SUMF1: variants seen among roughly 807,000 people sequenced by gnomAD.
SUMF1 encodes the protein formylglycine-generating enzyme.
SUMF1 carries 48 observed loss-of-function variants against 47.6 expected under a neutral mutation model. That is an observed-to-expected ratio of 1.01 (90% CI 0.80 to 1.28). The LOEUF (loss-of-function observed/expected upper bound fraction) is 1.28. Among genes scored for constraint, SUMF1 ranks in the 50% most tolerant of loss-of-function variants. The probability of loss-of-function intolerance (pLI) is 0.00; values close to 1 mark genes in which losing one functional copy is unlikely to be tolerated. For synonymous variants in SUMF1, 230 were observed against 192.1 expected (o/e 1.20, Z -1.63); for missense variants, 571 against 485.4 (o/e 1.18, Z -1.66).
intron 8 of SUMF1, among the ~76,000 whole-genome samples, chr3:4,178,024 G>T (rs1363788020): frequency 1.2e-4 from 19 of 152,068 alleles, no homozygotes. Context: ...ACCAATAACA[G>T]GCTCTGAAAT....
chr3:4,138,020 T>A (rs753291995), intron 8 of SUMF1, among the ~76,000 whole-genome samples: 1 of 151,830 alleles, frequency 6.6e-6, no homozygotes, highest in Non-Finnish European at 1.5e-5. Flanking sequence ...ACAGTAGAAA[T>A]GAACAATCCC....
At chr3:4,157,458 T>C (rs1345044587) in intron 8 of SUMF1, among the ~76,000 whole-genome samples, 2 of 151,592 alleles carry the variant, frequency 1.3e-5, no homozygotes, top group Admixed American at 6.6e-5. Context: ...AGAAAGTGAT[T>C]TACTTCTTTC....
At chr3:4,155,602 C>A (rs1203675555) in intron 8 of SUMF1, among the ~76,000 whole-genome samples, 2 of 151,406 alleles carry the variant, frequency 1.3e-5, no homozygotes, top group Non-Finnish European at 2.9e-5. Context: ...ATTTTCTCTT[C>A]AGATCAGTTC....
At chr3:4,084,372 C>A (rs1692629587) in intron 8 of SUMF1, among the ~76,000 whole-genome samples, 1 of 152,138 alleles carries the variant, frequency 6.6e-6, no homozygotes, top group South Asian at 2.1e-4. Context: ...ACAAGTACAG[C>A]TCATGGTTCT....
intron 6 of SUMF1, among the ~76,000 whole-genome samples, chr3:4,413,395 A>G (rs529412965): frequency 1.3e-5 from 2 of 152,030 alleles, no homozygotes; most frequent in Non-Finnish European, 2.9e-5. Flanking sequence ...AATAGTACCT[A>G]CTCAAGGGTT....
chr3:4,205,411 G>A (rs1695629342), intron 8 of SUMF1, among the ~76,000 whole-genome samples: 1 of 152,146 alleles, frequency 6.6e-6, no homozygotes, highest in African/African-American at 2.4e-5. Flanking sequence ...CACAAAGCTT[G>A]TCTGGTGGTC....
chr3:4,061,871 T>C (rs1177428496), intron 9 of SUMF1, among the ~76,000 whole-genome samples: 1 of 152,070 alleles, frequency 6.6e-6, no homozygotes, highest in African/African-American at 2.4e-5. Flanking sequence ...AGGCCAAACT[T>C]AAAGTATGTA....
chr3:4,181,080 G>T (rs1191732321), intron 8 of SUMF1, among the ~76,000 whole-genome samples: 1 of 152,116 alleles, frequency 6.6e-6, no homozygotes, highest in Non-Finnish European at 1.5e-5. Flanking sequence ...GATAATCACA[G>T]GAATTTCTTT....
At chr3:4,335,571 A>T (rs1699129903) in intron 8 of SUMF1, among the ~76,000 whole-genome samples, 1 of 152,164 alleles carries the variant, frequency 6.6e-6, no homozygotes, top group Admixed American at 6.5e-5. Flanking sequence ...CTCAACTGAA[A>T]ATTTGGGCGA....
intron 8 of SUMF1, among the ~76,000 whole-genome samples, chr3:4,232,608 C>T (rs747269027): frequency 6.8e-6 from 1 of 148,038 alleles, no homozygotes; most frequent in Non-Finnish European, 1.5e-5. Flanking sequence ...CAAAAGAAAA[C>T]AAAAAAAAAT....
chr3:4,247,821 G>A (rs768181502), intron 8 of SUMF1, among the ~76,000 whole-genome samples: 6 of 152,130 alleles, frequency 3.9e-5, no homozygotes, highest in African/African-American at 1.4e-4. Context: ...CCAAGATTTC[G>A]ATGAAGTACA....
intron 9 of SUMF1, among the ~76,000 whole-genome samples, chr3:4,053,787 A>G (rs1695151523): frequency 6.6e-6 from 1 of 152,142 alleles, no homozygotes; most frequent in Admixed American, 6.6e-5. Flanking sequence ...AAAACATTGA[A>G]CAACCGTCAC....
At chr3:4,067,117 A>T (rs894130123) in intron 9 of SUMF1, among the ~76,000 whole-genome samples, 1 of 152,304 alleles carries the variant, frequency 6.6e-6, no homozygotes, top group East Asian at 1.9e-4. Context: ...GAATGGCCAG[A>T]GGCAGCTTCA....
intron 8 of SUMF1, among the ~76,000 whole-genome samples, chr3:4,326,837 T>A (rs2125123411): frequency 6.6e-6 from 1 of 152,260 alleles, no homozygotes; most frequent in Middle Eastern, 3.4e-3. Context: ...GGGCTTTTAT[T>A]GGCTCTCTAA....
intron 3 of SUMF1, among the ~76,000 whole-genome samples, chr3:4,435,445 A>G (rs576492874): frequency 6.6e-6 from 1 of 152,192 alleles, no homozygotes; most frequent in African/African-American, 2.4e-5. Flanking sequence ...TATGCACTGG[A>G]GTCCCAAAAA....
intron 7 of SUMF1, among the ~76,000 whole-genome samples, chr3:4,403,513 G>A (rs1396465686): frequency 6.6e-6 from 1 of 152,152 alleles, no homozygotes; most frequent in Non-Finnish European, 1.5e-5. Context: ...TGCAGCAGAA[G>A]AATGGGAATG....
intron 1 of SUMF1, among the ~76,000 whole-genome samples, chr3:4,462,236 TGACCA>T (rs2079831346): frequency 6.6e-6 from 1 of 152,232 alleles, no homozygotes; most frequent in Non-Finnish European, 1.5e-5. Flanking sequence ...AGCATTCTTT[TGACCA>T]CGGAGATGTA....
In SUMF1 at chr3:4,177,396, C is replaced by T. The variant is rs112623556; in HGVS notation, c.1015-108651G>A. On this transcript the variant is annotated intron_variant and NMD_transcript_variant, in intron 8 of 12. Transcript: ENST00000448413. Reference sequence around the variant, plus strand: ...CAGGATTAAGAAACTCACTCAAAACCGCACAACTACATGGAAATTGAACAA... The same window carrying T: ...CAGGATTAAGAAACTCACTCAAAACTGCACAACTACATGGAAATTGAACAA... Among the ~76,000 whole-genome samples, 41 of 152,194 alleles carry T rather than the reference C, an allele frequency of 2.7e-4. 3 individuals are homozygous for T. Among genetic ancestry groups the T allele is most frequent in the African/African-American group, 8.7e-4 (36 of 41,520 alleles).
intron 9 of SUMF1, among the ~76,000 whole-genome samples, chr3:4,064,320 T>TA (rs1169810077): frequency 8.6e-6 from 1 of 116,140 alleles, no homozygotes; most frequent in Non-Finnish European, 2.1e-5. Flanking sequence ...GTTAGCATGC[T>TA]AAAAAACACC....
Sources: allele counts gnomAD v4.1 joint callset (sites outside exome capture counted in the v4.1 genomes callset), GRCh38; gene constraint gnomAD v4.1.1; transcripts MANE v1.5; gene names NCBI Gene and HGNC (gene_info 2026-07-23, HGNC 2026-07-21).